The following ZNF619 variants were observed in gnomAD, a reference collection of about 807,000 sequenced individuals.
ZNF619 encodes the protein zinc finger protein 619.
A neutral mutation model predicts 14.2 loss-of-function variants in ZNF619; 9 were observed. The ratio of observed to expected loss-of-function variants is 0.64; its 90% CI spans 0.38 to 1.11. ZNF619 has a LOEUF of 1.11. Among genes scored for constraint, ZNF619 ranks in the 50% least tolerant of loss-of-function variants. The pLI is 0.01. For synonymous variants in ZNF619, 246 were observed against 252.8 expected, an observed-to-expected ratio of 0.97 and a Z score of 0.26; for missense variants, 659 against 680.1, an observed-to-expected ratio of 0.97 and a Z score of 0.34.
intron 2 of ZNF619, among the ~76,000 whole-genome samples, chr3:40,480,830 C>A (rs556400219): frequency 1.9e-4 from 29 of 152,262 alleles, no homozygotes; most frequent in African/African-American, 7.0e-4. Context: ...TGTTAGATTT[C>A]TTCACTCAGA....
At chr3:40,485,212 A>G (rs1697539666) in intron 4 of ZNF619, among the ~76,000 whole-genome samples, 1 of 152,186 alleles carries the variant, frequency 6.6e-6, no homozygotes, top group African/African-American at 2.4e-5. Flanking sequence ...CAACTCATCA[A>G]TGAGTTGTTA....
intron 2 of ZNF619, among the ~76,000 whole-genome samples, chr3:40,479,783 C>T (rs1477435493): frequency 6.6e-6 from 1 of 152,170 alleles, no homozygotes; most frequent in Non-Finnish European, 1.5e-5. Flanking sequence ...GGCCCACTAT[C>T]TACTAGATGC....
rs1314445877 is a variant in ZNF619, at chr3:40,482,245, G to T, written c.178+229G>T. 1.4e-5 allele frequency: 21 copies of T among 1,551,816 alleles called. No individual in the cohort carries two copies. Among genetic ancestry groups the T allele is most frequent in the Non-Finnish European group, 1.7e-5 (20 of 1,146,958 alleles). ...CCTAATGGAGACCCAACTGCAGGGGGCTTTCCTCTGGATACAGAGAGAACT... is the reference window on the plus strand; with the variant it reads ...CCTAATGGAGACCCAACTGCAGGGGTCTTTCCTCTGGATACAGAGAGAACT... On this transcript the variant is annotated intron_variant, in intron 3 of 4. Transcript: ENST00000432264.
chr3:40,486,751 C>T, intron 4 of ZNF619, 55 bp from the exon 5 acceptor site: 2 of 1,415,826 alleles, frequency 1.4e-6, no homozygotes, highest in Non-Finnish European at 9.6e-7. Flanking sequence ...CTGATTAACC[C>T]TTTTCCCTTC....
rs1697757652 is a variant in ZNF619 at position 40,490,006 on chromosome 3, TC to T, written c.*1766del. ...TGGGTGGGGGGTCTTTAAGAGGTGA[TC>T]AGGATTAGCCAAGTTCATCAGGGTG... On this transcript the variant is annotated 3_prime_UTR_variant, in exon 5 of 5. Coordinates refer to ENST00000432264, the MANE Select transcript of ZNF619 (RefSeq NM_001145093.4). The T allele has an allele frequency of 6.6e-6, 1 of 152,132 alleles. No individual in the cohort carries two copies. The highest frequency in any genetic ancestry group is 1.5e-5 in the Non-Finnish European group (1 of 68,012). The allele number at this position is 152,132 out of a possible 1,614,324, so 9.4% of individuals were successfully genotyped here. A position where few individuals can be genotyped will look rare whatever the true frequency, so the allele number is the denominator to read the frequency against.
intron 4 of ZNF619, among the ~76,000 whole-genome samples, chr3:40,484,601 A>AGTTGTTAGTGTTTCCC (rs1413289267): frequency 6.6e-6 from 1 of 152,180 alleles, no homozygotes; most frequent in Non-Finnish European, 1.5e-5. Context: ...TCCTTCCTGC[A>AGTTGTTAGTGTTTCCC]GTTGTTAGTG....
chr3:40,480,591 G>C (rs7642313), intron 2 of ZNF619, among the ~76,000 whole-genome samples: 4,446 of 149,816 alleles, frequency 0.03, 194 homozygotes, highest in African/African-American at 0.093. Flanking sequence ...CTCTGCCTCC[G>C]GGGTTCACGC....
At chr3:40,482,209 C>G (rs1559536527) in intron 3 of ZNF619, 193 bp downstream of exon 3, 1 of 1,550,020 alleles carries the variant, frequency 6.5e-7, no homozygotes, top group East Asian at 2.4e-5. Context: ...GGACTTTTCT[C>G]TTCCCTGGTT....
rs1697220703 is a variant in ZNF619 at position 40,477,208 on chromosome 3, GGCTACCT to G, written c.-210_-204del. 6.6e-6 allele frequency: 1 copy of G among 152,364 alleles called. No homozygotes were observed. 9.4% of individuals were successfully genotyped at this position (152,364 alleles called of 1,614,324 possible). ...TGAGTTTCCCGGGCTTCCCTGACTC[GGCTACCT>G]GTTCTGGAGGTCAGGCTTTGGGCCC... On this transcript the variant is annotated 5_prime_UTR_variant, in exon 1 of 5. Transcript: ENST00000432264.
At position 40,487,095 on chromosome 3, in the gene ZNF619, G is replaced by T. The variant is rs778080500; in HGVS notation, c.585G>T (p.Gln195His). The T allele has an allele frequency of 6.2e-7, 1 of 1,614,124 alleles. No individual in the cohort carries two copies. The highest frequency in any genetic ancestry group is 1.1e-5 in the South Asian group (1 of 91,088). The change falls in exon 5 of 5, where the codon CAG (glutamine) becomes CAT (histidine). Residue 195 changes from glutamine to histidine, a missense_variant. Transcript: ENST00000432264. ...SSVSTHLITK[Q>H]GFAKEQVFYK... is the part of the protein sequence containing the mutation. ...TCAGCACACATCTCATTACAAAGCA[G>T]GGTTTTGCCAAAGAACAGGTGTTTT...
In ZNF619 at chr3:40,482,372, G is replaced by A. The variant is rs1381632538; in HGVS notation, c.179-216G>A. 2.5e-6 allele frequency: 4 copies of A among 1,572,246 alleles called. No individual in the cohort carries two copies. In the Admixed American group the frequency reaches 5.7e-5, roughly 22 times the overall value. On this transcript the variant is annotated intron_variant, in intron 3 of 4. Coordinates refer to ENST00000432264, the MANE Select transcript of ZNF619 (RefSeq NM_001145093.4). ...TGTGTGAGTCCCCTAGGGCCCTCGT[G>A]TACACACCCCCCAGTGACTCTGGGA...
intron 4 of ZNF619, 49 bp from the exon 5 acceptor site, chr3:40,486,757 C>A: frequency 6.9e-7 from 1 of 1,456,378 alleles, no homozygotes; most frequent in South Asian, 1.4e-5. Flanking sequence ...AACCCTTTTC[C>A]CTTCTGGAAT....
At chr3:40,482,379 C>G in intron 3 of ZNF619, 2 of 1,575,412 alleles carry the variant, frequency 1.3e-6, no homozygotes, top group Non-Finnish European at 1.7e-6. Context: ...CGTGTACACA[C>G]CCCCCAGTGA....
chr3:40,487,243 T>C lies in ZNF619; in HGVS notation c.733T>C (p.Ser245Pro). Residue 245 changes from serine (S) to proline (P), a missense_variant, in exon 5 of 5, where the codon TCA (serine) becomes CCA (proline). Ser to Pro is a moderately conservative substitution (Grantham distance 74). Coordinates refer to ENST00000432264, the MANE Select transcript of ZNF619 (RefSeq NM_001145093.4). ...ATGTGGGAAAACCTTCAGATATAAC[T>C]CAAAACTGTCACGGCATCAGAAAAT... ...KECGKTFRYNSKLSRHQKIHT... is the reference protein window; with the variant it reads ...KECGKTFRYNPKLSRHQKIHT... 1.2e-6 allele frequency: 2 copies of C among 1,614,032 alleles called. No individual in the cohort carries two copies. The highest frequency in any genetic ancestry group is 1.7e-6 in the Non-Finnish European group (2 of 1,180,036).
At chr3:40,480,499 CTTTT>C (rs36016449) in intron 2 of ZNF619, among the ~76,000 whole-genome samples, 2 of 133,046 alleles carry the variant, frequency 1.5e-5, no homozygotes, top group Non-Finnish European at 1.6e-5. Context: ...CTGCATAGTA[CTTTT>C]TTTTTTTTTT....
rs906340561 is a variant in ZNF619, at chr3:40,486,913, C to T, written c.403C>T (p.Gln135Ter). 2 of 1,614,172 alleles carry T rather than the reference C, an allele frequency of 1.2e-6. No homozygotes were observed. The highest frequency in any genetic ancestry group is 1.3e-5 in the African/African-American group (1 of 75,022). Residue 135 changes from glutamine (Q) to a stop codon, truncating the protein, a stop_gained, in exon 5 of 5, where the codon CAG (glutamine) becomes TAG (stop). Coordinates refer to ENST00000432264, the MANE Select transcript of ZNF619 (RefSeq NM_001145093.4). LOFTEE classifies it low-confidence loss of function (END_TRUNC). ...IVEGLLMDVP[Q>*]HPDFKDRLEK... ...GGAGGGACTGCTGATGGACGTTCCC[C>T]AGCACCCTGACTTCAAGGACAGGTT...
rs541822206 is a variant in ZNF619, at chr3:40,489,306, C to T, written c.*1065C>T. 5.4e-5 allele frequency: 8 copies of T among 147,516 alleles called. No individual in the cohort carries two copies. The highest frequency in any genetic ancestry group is 1.2e-4 in the Non-Finnish European group (8 of 66,094). The allele number at this position is 147,516 out of a possible 1,614,324, so 9.1% of individuals were successfully genotyped here. A position where few individuals can be genotyped will look rare whatever the true frequency, so the allele number is the denominator to read the frequency against. ...CTTCCAGGCTCAAGCAATCCTCCCACCTCAGCTTCCCAAGAAGCTGGGAGG... is the reference window on the plus strand; with the variant it reads ...CTTCCAGGCTCAAGCAATCCTCCCATCTCAGCTTCCCAAGAAGCTGGGAGG... On this transcript the variant is annotated 3_prime_UTR_variant, in exon 5 of 5. Coordinates refer to ENST00000432264, the MANE Select transcript of ZNF619 (RefSeq NM_001145093.4).
chr3:40,484,841 A>C (rs933174722), intron 4 of ZNF619, among the ~76,000 whole-genome samples: 1 of 152,200 alleles, frequency 6.6e-6, no homozygotes, highest in African/African-American at 2.4e-5. Flanking sequence ...TAGATTAGTA[A>C]ATTTCAAACT....
chr3:40,481,615 A>G (rs1697394292), intron 2 of ZNF619, among the ~76,000 whole-genome samples: 2 of 152,156 alleles, frequency 1.3e-5, no homozygotes, highest in African/African-American at 4.8e-5. Flanking sequence ...GGCCTGTGGA[A>G]CCAGACATGG....
Sources: allele counts gnomAD v4.1 joint callset (sites outside exome capture counted in the v4.1 genomes callset), GRCh38; gene constraint gnomAD v4.1.1; transcripts MANE v1.5; gene names NCBI Gene and HGNC (gene_info 2026-07-23, HGNC 2026-07-21).